SHLD1: variants seen among roughly 807,000 people sequenced by gnomAD.
The protein encoded by SHLD1 is RINN1-REV7-interacting novel NHEJ regulator 3.
Under a neutral mutation model 5.5 loss-of-function variants are expected in SHLD1, and 3 were observed. The observed-to-expected ratio is 0.54, with a 90% CI of 0.25 to 1.40. The LOEUF is 1.40. Ranked by LOEUF, SHLD1 falls within the 40% of genes most tolerant of loss-of-function variation. The probability of loss-of-function intolerance (pLI) is 0.15; values close to 1 mark genes in which losing one functional copy is unlikely to be tolerated. For missense variants in SHLD1, 210 were observed against 244.4 expected (o/e 0.86, Z 0.94); for synonymous variants, 92 against 94.3 (o/e 0.98, Z 0.14).
chr20:5,828,949 T>C (rs2087697101), intron 2 of SHLD1, among the ~76,000 whole-genome samples: 1 of 152,214 alleles, frequency 6.6e-6, no homozygotes, highest in African/African-American at 2.4e-5. Flanking sequence ...GTTGGCTCAC[T>C]GCAGCCTCAA....
At chr20:5,838,824 C>G (rs1217231733) in intron 2 of SHLD1, among the ~76,000 whole-genome samples, 2 of 152,274 alleles carry the variant, frequency 1.3e-5, no homozygotes, top group Non-Finnish European at 2.9e-5. Context: ...TTAAGCAGCC[C>G]TGCTTCTGTG....
chr20:5,858,226 G>T (rs1418740852), intron 2 of SHLD1, among the ~76,000 whole-genome samples: 1 of 152,130 alleles, frequency 6.6e-6, no homozygotes, highest in Admixed American at 6.5e-5. Context: ...GTGGGTGGGT[G>T]GCTATTGATT....
At chr20:5,829,379 T>C (rs1218765125) in intron 2 of SHLD1, among the ~76,000 whole-genome samples, 1 of 152,200 alleles carries the variant, frequency 6.6e-6, no homozygotes, top group Non-Finnish European at 1.5e-5. Flanking sequence ...GAAAGGAAAT[T>C]AAACTCAACA....
intron 2 of SHLD1, among the ~76,000 whole-genome samples, chr20:5,833,046 TCCTGA>T (rs146363982): frequency 0.032 from 4,913 of 152,110 alleles, 129 homozygotes; most frequent in East Asian, 0.1. Context: ...GTCCTCCTTC[TCCTGA>T]CCTGGAGCTC....
intron 2 of SHLD1, among the ~76,000 whole-genome samples, chr20:5,854,023 T>TA (rs1166523005): frequency 2.6e-5 from 4 of 151,054 alleles, no homozygotes; most frequent in Non-Finnish European, 4.4e-5. Context: ...TTTTTTTTTT[T>TA]AGACAGAGTT....
chr20:5,784,611 C>T (rs560391330), intron 2 of SHLD1, among the ~76,000 whole-genome samples: 63 of 151,988 alleles, frequency 4.1e-4, no homozygotes, highest in Non-Finnish European at 6.6e-4. Context: ...CCACCACGCC[C>T]GGCTAATTTT....
chr20:5,842,165 C>T lies in SHLD1; in HGVS notation c.179-20859C>T, dbSNP rs1040531448. 3.3e-5 allele frequency among the ~76,000 whole-genome samples: 5 copies of T among 152,314 alleles called. No homozygotes were observed. In the South Asian group the frequency reaches 1.0e-3, roughly 32 times the overall value. On this transcript the variant is annotated intron_variant, in intron 2 of 2. Transcript: ENST00000303142. ...GAGATCAGAGTCTAGCATTGGAATA[C>T]TGTTTCAAGGATAGCTGGACTACCT...
chr20:5,812,088 TTC>T (rs2087467373), intron 2 of SHLD1, among the ~76,000 whole-genome samples: 2 of 151,190 alleles, frequency 1.3e-5, no homozygotes, highest in African/African-American at 4.9e-5. Context: ...TTCTTTTTTT[TTC>T]TTTTTTTTTT....
intron 2 of SHLD1, among the ~76,000 whole-genome samples, chr20:5,810,211 C>G (rs748521063): frequency 1.3e-5 from 2 of 151,204 alleles, no homozygotes; most frequent in Non-Finnish European, 2.9e-5. Flanking sequence ...GAGCCAAGAT[C>G]GTGCCACTGC....
At position 5,772,748 on chromosome 20, in the gene SHLD1, C is replaced by CAAAAAT. The variant is rs1352506598; in HGVS notation, c.-4-96_-4-91dup. On this transcript the variant is annotated intron_variant, in intron 1 of 2. Transcript: ENST00000303142. The stretch of plus-strand genomic sequence containing the variant: ...GCAACTTAGTGAGACCTGATCTCTA[C>CAAAAAT]AAAAATAAAAATAAAAATAAAAAAC... The CAAAAAT allele has an allele frequency of 1.7e-5, 19 of 1,110,462 alleles. No homozygotes were observed. In the East Asian group the frequency reaches 1.8e-4, roughly 11 times the overall value. The allele number at this position is 1,110,462 out of a possible 1,614,324, so 68.8% of individuals were successfully genotyped here.
chr20:5,849,010 T>TA (rs1415543678), intron 2 of SHLD1, among the ~76,000 whole-genome samples: 1 of 152,198 alleles, frequency 6.6e-6, no homozygotes, highest in Admixed American at 6.5e-5. Flanking sequence ...TAATTTGTAT[T>TA]AAATATCTTG....
chr20:5,768,904 G>GTTTTTTT (rs11475696), intron 1 of SHLD1, among the ~76,000 whole-genome samples: 1 of 117,072 alleles, frequency 8.5e-6, no homozygotes, highest in Non-Finnish European at 1.8e-5. Context: ...TCATGTAATT[G>GTTTTTTT]TTTTTTTTTT....
chr20:5,862,071 C>A (rs2088169907), intron 2 of SHLD1, among the ~76,000 whole-genome samples: 1 of 152,140 alleles, frequency 6.6e-6, no homozygotes, highest in African/African-American at 2.4e-5. Context: ...AGGATCCTTT[C>A]AGATTAGGAT....
chr20:5,767,620 A>T (rs1036381712), intron 1 of SHLD1, among the ~76,000 whole-genome samples: 1 of 152,200 alleles, frequency 6.6e-6, no homozygotes, highest in African/African-American at 2.4e-5. Flanking sequence ...CTTAAGTGCG[A>T]CAAGTCCACC....
chr20:5,759,228 C>T (rs1323010822), intron 1 of SHLD1, among the ~76,000 whole-genome samples: 2 of 151,930 alleles, frequency 1.3e-5, no homozygotes, highest in Non-Finnish European at 2.9e-5. Flanking sequence ...GCTGGGATTA[C>T]AGGCATGAGC....
chr20:5,776,765 A>AAAT (rs980761810), intron 2 of SHLD1, among the ~76,000 whole-genome samples: 3 of 152,072 alleles, frequency 2.0e-5, no homozygotes, highest in East Asian at 1.9e-4. Context: ...TCCGACTCAA[A>AAAT]AATAATAATA....
chr20:5,779,305 G>T (rs1056601413), intron 2 of SHLD1, among the ~76,000 whole-genome samples: 21 of 152,044 alleles, frequency 1.4e-4, no homozygotes, highest in Admixed American at 2.0e-4. Flanking sequence ...GGAGGTCACT[G>T]CCCTAACAGC....
rs570492760 is a variant in SHLD1 at position 5,793,141 on chromosome 20, CT to C, written c.178+20099del. ...TGTCCTGTTCCATTGGTCCGTATGT[CT>C]GTCTTTATGACAGTGCCACACTGTT... On this transcript the variant is annotated intron_variant, in intron 2 of 2. Coordinates refer to ENST00000303142, the MANE Select transcript of SHLD1 (RefSeq NM_152504.4). Among the ~76,000 whole-genome samples the C allele has an allele frequency of 7.4e-3, 1,130 of 152,266 alleles. 16 individuals carry two copies. The highest frequency in any genetic ancestry group is 0.025 in the African/African-American group (1,051 of 41,538).
intron 2 of SHLD1, among the ~76,000 whole-genome samples, chr20:5,846,924 A>G (rs1168018825): frequency 6.6e-6 from 1 of 152,228 alleles, no homozygotes; most frequent in Admixed American, 6.5e-5. Flanking sequence ...TTTCATGGAA[A>G]AGAAGACAGA....
Sources: gnomAD v4.1 joint callset for allele counts (sites outside exome capture counted in the v4.1 genomes callset) on GRCh38, gnomAD v4.1.1 for gene constraint, MANE v1.5 for transcripts, NCBI Gene and HGNC (gene_info 2026-07-23, HGNC 2026-07-21) for gene names.